LRRC1: variants seen among roughly 807,000 people sequenced by gnomAD.
LRRC1 encodes the protein leucine-rich repeat-containing protein 1.
Under a neutral mutation model 69.9 loss-of-function variants are expected in LRRC1, and 28 were observed. The observed-to-expected ratio is 0.40, with a 90% CI of 0.30 to 0.55. The LOEUF is 0.55. Ranked by LOEUF, LRRC1 falls within the 20% of genes least tolerant of loss-of-function variation. The probability of loss-of-function intolerance (pLI) is 0.47; values close to 1 mark genes in which losing one functional copy is unlikely to be tolerated. For missense variants in LRRC1, 498 were observed against 609.0 expected, an observed-to-expected ratio of 0.82 and a Z score of 1.92; for synonymous variants, 236 against 240.2, an observed-to-expected ratio of 0.98 and a Z score of 0.16.
intron 1 of LRRC1, among the ~76,000 whole-genome samples, chr6:53,817,192 A>G (rs970524824): frequency 1.1e-4 from 17 of 152,110 alleles, no homozygotes; most frequent in African/African-American, 4.1e-4. Context: ...TCCTTCACCC[A>G]AGCATCATAG....
chr6:53,848,741 C>T (rs1766027336), intron 2 of LRRC1, among the ~76,000 whole-genome samples: 1 of 149,064 alleles, frequency 6.7e-6, no homozygotes, highest in Non-Finnish European at 1.5e-5. Flanking sequence ...TGTAGGCTTA[C>T]ATAACTTTTT....
chr6:53,845,059 C>G (rs1404324516), intron 2 of LRRC1, among the ~76,000 whole-genome samples: 1 of 152,176 alleles, frequency 6.6e-6, no homozygotes, highest in African/African-American at 2.4e-5. Flanking sequence ...CAAAAATTAA[C>G]CAGGCTTGGT....
At chr6:53,864,405 A>G (rs184842777) in intron 2 of LRRC1, among the ~76,000 whole-genome samples, 35 of 152,170 alleles carry the variant, frequency 2.3e-4, no homozygotes, top group African/African-American at 7.5e-4. Context: ...GTCTCTCCAT[A>G]TGCATTCCTC....
chr6:53,824,607 A>G (rs1765206017), intron 1 of LRRC1, among the ~76,000 whole-genome samples: 1 of 152,100 alleles, frequency 6.6e-6, no homozygotes, highest in Non-Finnish European at 1.5e-5. Context: ...CTTCCAGTTA[A>G]CTTGAATTTT....
intron 2 of LRRC1, among the ~76,000 whole-genome samples, chr6:53,848,376 C>G (rs6925165): frequency 0.19 from 28,427 of 152,214 alleles, 2,916 homozygotes; most frequent in Middle Eastern, 0.33. Context: ...GAAGAGGAAT[C>G]AGGCTTCTGT....
intron 2 of LRRC1, among the ~76,000 whole-genome samples, chr6:53,878,513 C>T (rs971947397): frequency 9.8e-5 from 15 of 152,286 alleles, no homozygotes; most frequent in African/African-American, 2.9e-4. Flanking sequence ...CTAGATCCCT[C>T]GCATGGGCAG....
intron 2 of LRRC1, among the ~76,000 whole-genome samples, chr6:53,868,704 C>T (rs1477493604): frequency 6.6e-6 from 1 of 152,128 alleles, no homozygotes; most frequent in African/African-American, 2.4e-5. Flanking sequence ...CCTTGTCTAG[C>T]AGATTAATTG....
chr6:53,881,747 GA>G (rs900401832), intron 3 of LRRC1, among the ~76,000 whole-genome samples: 1 of 152,002 alleles, frequency 6.6e-6, no homozygotes, highest in Non-Finnish European at 1.5e-5. Flanking sequence ...CTCCCTCAGT[GA>G]AAAAAAGTGA....
intron 3 of LRRC1, among the ~76,000 whole-genome samples, chr6:53,881,024 G>A (rs1767273986): frequency 6.6e-6 from 1 of 151,936 alleles, no homozygotes; most frequent in Non-Finnish European, 1.5e-5. Context: ...TTATTTCAGT[G>A]CTCTCTCAAC....
chr6:53,873,032 C>T (rs1457066052), intron 2 of LRRC1, among the ~76,000 whole-genome samples: 1 of 152,040 alleles, frequency 6.6e-6, no homozygotes, highest in African/African-American at 2.4e-5. Flanking sequence ...GCTGGGATTG[C>T]AAGTGTAAGC....
At chr6:53,853,075 C>T (rs1326984931) in intron 2 of LRRC1, among the ~76,000 whole-genome samples, 1 of 152,072 alleles carries the variant, frequency 6.6e-6, no homozygotes, top group African/African-American at 2.4e-5. Flanking sequence ...GTATTACCCC[C>T]TTCTATTTTC....
chr6:53,903,483 C>G (rs563660336), intron 9 of LRRC1, among the ~76,000 whole-genome samples: 5 of 152,318 alleles, frequency 3.3e-5, no homozygotes, highest in South Asian at 2.1e-4. Context: ...ATAGCACTCT[C>G]TTTTCTTCAG....
chr6:53,848,556 A>G (rs1040728531), intron 2 of LRRC1, among the ~76,000 whole-genome samples: 6 of 152,168 alleles, frequency 3.9e-5, no homozygotes, highest in Admixed American at 3.9e-4. Context: ...GCCATTCCAT[A>G]GTCCTTTTCT....
At chr6:53,805,171 A>G (rs1265726599) in intron 1 of LRRC1, among the ~76,000 whole-genome samples, 1 of 152,192 alleles carries the variant, frequency 6.6e-6, no homozygotes, top group Admixed American at 6.5e-5. Context: ...TACTTGCCAC[A>G]TGAATGTGCA....
chr6:53,821,449 G>T (rs1204462624), intron 1 of LRRC1, among the ~76,000 whole-genome samples: 1 of 151,592 alleles, frequency 6.6e-6, no homozygotes, highest in African/African-American at 2.4e-5. Context: ...TTTTTTGAAG[G>T]CCCTGAAAAG....
intron 1 of LRRC1, among the ~76,000 whole-genome samples, chr6:53,815,583 C>T (rs553719387): frequency 1.8e-4 from 28 of 152,274 alleles, no homozygotes; most frequent in African/African-American, 5.1e-4. Context: ...CTTATTGAAA[C>T]GTGGTGACAG....
intron 10 of LRRC1, among the ~76,000 whole-genome samples, chr6:53,910,504 CG>C (rs902852664): frequency 6.6e-6 from 1 of 152,152 alleles, no homozygotes. Flanking sequence ...TTAAGACATT[CG>C]GGTAAGTTCA....
intron 2 of LRRC1, among the ~76,000 whole-genome samples, chr6:53,855,220 T>C (rs1332269481): frequency 1.3e-5 from 2 of 152,242 alleles, no homozygotes; most frequent in Non-Finnish European, 2.9e-5. Context: ...AACAAAACAC[T>C]CTGCTTATAG....
At chr6:53,891,999 A>AATATATATAT (rs1554185480) in intron 4 of LRRC1, among the ~76,000 whole-genome samples, 3 of 133,682 alleles carry the variant, frequency 2.2e-5, no homozygotes, top group African/African-American at 8.7e-5. Flanking sequence ...CTAAAAAAAA[A>AATATATATAT]ATATATATAT....
Sources: gnomAD v4.1 joint callset for allele counts (sites outside exome capture counted in the v4.1 genomes callset) on GRCh38, gnomAD v4.1.1 for gene constraint, MANE v1.5 for transcripts, NCBI Gene and HGNC (gene_info 2026-07-23, HGNC 2026-07-21) for gene names.